The following BACH1 variants were observed in gnomAD, a reference collection of about 807,000 sequenced individuals.
BACH1 encodes BTB domain and CNC homolog 1.
A neutral mutation model predicts 52.9 loss-of-function variants in BACH1; 35 were observed. The ratio of observed to expected loss-of-function variants is 0.66; its 90% CI spans 0.51 to 0.88. The LOEUF is 0.88. Ranked by LOEUF, BACH1 falls within the 40% of genes least tolerant of loss-of-function variation. BACH1 has a pLI of 0.00. For synonymous variants in BACH1, 321 were observed against 319.6 expected (o/e 1.00, Z -0.05); for missense variants, 808 against 872.6 (o/e 0.93, Z 0.93).
At chr21:29,315,693 T>C (rs1367779234) in intron 1 of BACH1, among the ~76,000 whole-genome samples, 1 of 152,230 alleles carries the variant, frequency 6.6e-6, no homozygotes, top group African/African-American at 2.4e-5. Flanking sequence ...TTGAATATTA[T>C]GGTTAAATGA....
rs776178497 is a variant in BACH1, at chr21:29,326,105, C to G, written c.281C>G (p.Ala94Gly). 4 of 1,613,724 alleles carry G rather than the reference C, an allele frequency of 2.5e-6. No individual in the cohort carries two copies. The highest frequency in any genetic ancestry group is 3.4e-6 in the Non-Finnish European group (4 of 1,179,800). Residue 94 changes from alanine to glycine, a missense_variant, in exon 3 of 5, where the codon GCT becomes GGT. Ala to Gly is a moderately conservative substitution (Grantham distance 60, BLOSUM62 0). Transcript: ENST00000286800. ...FEPLIQFAYT[A>G]KLILSKENVD... is the part of the protein sequence containing the mutation. ...CCTTTAATTCAGTTTGCCTACACTGCTAAACTGATTTTAAGTAAAGAGAAT... is the reference window on the plus strand; with the variant it reads ...CCTTTAATTCAGTTTGCCTACACTGGTAAACTGATTTTAAGTAAAGAGAAT...
intron 1 of BACH1, among the ~76,000 whole-genome samples, chr21:29,320,128 C>T (rs1020277309): frequency 6.6e-6 from 1 of 152,076 alleles, no homozygotes; most frequent in East Asian, 1.9e-4. Flanking sequence ...GAGTGTGTAG[C>T]AAATCTGAAA....
At chr21:29,332,848 T>C (rs1194324703) in intron 4 of BACH1, among the ~76,000 whole-genome samples, 1 of 152,154 alleles carries the variant, frequency 6.6e-6, no homozygotes, top group Non-Finnish European at 1.5e-5. Context: ...AAGAACAAAA[T>C]AGAAGAGTCA....
chr21:29,337,846 T>C (rs2089062976), intron 4 of BACH1, among the ~76,000 whole-genome samples: 1 of 152,064 alleles, frequency 6.6e-6, no homozygotes, highest in Admixed American at 6.6e-5. Context: ...GGAGAATCGC[T>C]TGAACCTGGG....
At chr21:29,329,442 T>C (rs768571767) in intron 3 of BACH1, 45 bp from the exon 4 acceptor site, 2 of 1,406,416 alleles carry the variant, frequency 1.4e-6, no homozygotes, top group Non-Finnish European at 1.9e-6. Context: ...TTGACTATAA[T>C]TATAAAATAC....
chr21:29,303,691 A>G (rs1232093260), intron 1 of BACH1, among the ~76,000 whole-genome samples: 1 of 152,238 alleles, frequency 6.6e-6, no homozygotes, highest in Non-Finnish European at 1.5e-5. Flanking sequence ...TAATTGGATT[A>G]GAATTGAATT....
chr21:29,341,792 C>T (rs1231325866), intron 4 of BACH1, among the ~76,000 whole-genome samples: 7 of 152,188 alleles, frequency 4.6e-5, no homozygotes, highest in African/African-American at 1.7e-4. Flanking sequence ...GCTGAGATTG[C>T]ATGTTGGAAA....
intron 4 of BACH1, among the ~76,000 whole-genome samples, chr21:29,336,044 C>A (rs1008124289): frequency 7.9e-5 from 12 of 152,094 alleles, no homozygotes; most frequent in African/African-American, 2.2e-4. Flanking sequence ...AGTTTTTATT[C>A]AAATTACTCT....
chr21:29,330,245 A>G (rs931131715), intron 4 of BACH1, among the ~76,000 whole-genome samples: 1 of 152,122 alleles, frequency 6.6e-6, no homozygotes, highest in Non-Finnish European at 1.5e-5. Context: ...GCTCACTGCA[A>G]GCTCTGCCTG....
At chr21:29,318,303 A>G (rs2088811183) in intron 1 of BACH1, among the ~76,000 whole-genome samples, 1 of 152,210 alleles carries the variant, frequency 6.6e-6, no homozygotes, top group African/African-American at 2.4e-5. Context: ...CCCAGTGCTA[A>G]GAGGCAGAGG....
chr21:29,335,497 G>A (rs1288205524), intron 4 of BACH1, among the ~76,000 whole-genome samples: 1 of 152,124 alleles, frequency 6.6e-6, no homozygotes, highest in African/African-American at 2.4e-5. Flanking sequence ...GTCTCATAGG[G>A]AGTCAAGTTC....
At chr21:29,303,555 T>A (rs2088624997) in intron 1 of BACH1, among the ~76,000 whole-genome samples, 1 of 152,252 alleles carries the variant, frequency 6.6e-6, no homozygotes, top group African/African-American at 2.4e-5. Flanking sequence ...ATTCTTTTGA[T>A]TATTTAGCTT....
intron 1 of BACH1, among the ~76,000 whole-genome samples, chr21:29,311,639 A>G (rs2088724013): frequency 6.6e-6 from 1 of 152,010 alleles, no homozygotes; most frequent in African/African-American, 2.4e-5. Context: ...CGTTTACTCT[A>G]CTATCCCCCC....
intron 2 of BACH1, chr21:29,351,795 A>T: frequency 1.9e-6 from 1 of 531,624 alleles, no homozygotes; most frequent in Non-Finnish European, 3.9e-6. Flanking sequence ...GAAGTAGAGC[A>T]CATAGCTGCT....
intron 2 of BACH1, chr21:29,351,816 A>C: frequency 1.9e-6 from 1 of 514,790 alleles, no homozygotes; most frequent in Non-Finnish European, 4.0e-6. Flanking sequence ...AAGATAAGGT[A>C]GGAGAATTTG....
intron 4 of BACH1, among the ~76,000 whole-genome samples, chr21:29,337,132 C>T (rs1321737158): frequency 6.6e-6 from 1 of 152,222 alleles, no homozygotes; most frequent in Non-Finnish European, 1.5e-5. Flanking sequence ...TTCAAGCCAG[C>T]TCCTGTCCTG....
intron 2 of BACH1, among the ~76,000 whole-genome samples, chr21:29,353,980 G>A (rs1220242805): frequency 6.6e-6 from 1 of 152,176 alleles, no homozygotes; most frequent in African/African-American, 2.4e-5. Flanking sequence ...CTGCCAGGGA[G>A]GGAGGTTGCC....
intron 4 of BACH1, among the ~76,000 whole-genome samples, chr21:29,338,681 T>C (rs1392277960): frequency 6.6e-6 from 1 of 152,236 alleles, no homozygotes; most frequent in African/African-American, 2.4e-5. Context: ...CATTTTTAAT[T>C]TGTTTTATTT....
At position 29,342,869 on chromosome 21, in the gene BACH1, T is replaced by G. The variant is rs1490060637; in HGVS notation, c.*36T>G. ...ACTTCCTTCAAACCATCTAATTTTC[T>G]CCTGAAGTTTTGGCAGCGTCTTGAA... On this transcript the variant is annotated 3_prime_UTR_variant, in exon 5 of 5. Coordinates refer to ENST00000286800, the MANE Select transcript of BACH1 (RefSeq NM_001186.4). The G allele has an allele frequency of 1.3e-6, 2 of 1,531,998 alleles. No homozygotes were observed. The highest frequency in any genetic ancestry group is 2.8e-5 in the African/African-American group (2 of 72,352). The allele number at this position is 1,531,998 out of a possible 1,614,324, so 94.9% of individuals were successfully genotyped here.
Sources: gnomAD v4.1 joint callset for allele counts (sites outside exome capture counted in the v4.1 genomes callset) on GRCh38, gnomAD v4.1.1 for gene constraint, MANE v1.5 for transcripts, NCBI Gene and HGNC (gene_info 2026-07-23, HGNC 2026-07-21) for gene names.